ERC1: variants seen among roughly 807,000 people sequenced by gnomAD.
ERC1 encodes ELKS/RAB6-interacting/CAST family member 1, also known as RAB6 interacting protein 2.
ERC1 carries 56 observed loss-of-function variants against 132.0 expected under a neutral mutation model. The ratio of observed to expected loss-of-function variants is 0.42; its 90% CI spans 0.34 to 0.53. The LOEUF is 0.53. Ranked by LOEUF, ERC1 falls within the 20% of genes least tolerant of loss-of-function variation. The pLI, the probability that ERC1 is intolerant of heterozygous loss-of-function variation, is 0.03. For missense variants in ERC1, 1,202 were observed against 1,349.9 expected (o/e 0.89, Z 1.72); for synonymous variants, 478 against 476.1 (o/e 1.00, Z -0.05).
At chr12:1,000,290 G>A (rs1459269547) in intron 1 of ERC1, among the ~76,000 whole-genome samples, 1 of 152,074 alleles carries the variant, frequency 6.6e-6, no homozygotes, top group African/African-American at 2.4e-5. Flanking sequence ...TTCAAGACCA[G>A]CCTGAGCAAC....
At chr12:1,408,840 T>C (rs1442440933) in intron 17 of ERC1, among the ~76,000 whole-genome samples, 1 of 152,222 alleles carries the variant, frequency 6.6e-6, no homozygotes, top group African/African-American at 2.4e-5. Flanking sequence ...CATATTCCAT[T>C]CTAGTTTCTT....
intron 15 of ERC1, among the ~76,000 whole-genome samples, chr12:1,344,301 TCG>T (rs1595127519): frequency 1.3e-5 from 2 of 152,222 alleles, no homozygotes; most frequent in East Asian, 3.8e-4. Context: ...TGGCTTTTCT[TCG>T]CTAATCATGA....
In ERC1 at chr12:1,084,599, T is replaced by C. The variant is rs192834701; in HGVS notation, c.1086+1019T>C. On this transcript the variant is annotated intron_variant, in intron 3 of 18. Coordinates refer to ENST00000360905, the MANE Select transcript of ERC1 (RefSeq NM_178040.4). ...CATTGTAGTAAAATTGGGAAATAGATTAACAAAAACTTATAACTCAAAGTA... is the reference window on the plus strand; with the variant it reads ...CATTGTAGTAAAATTGGGAAATAGACTAACAAAAACTTATAACTCAAAGTA... Among the ~76,000 whole-genome samples, 398 of 152,282 alleles carry C rather than the reference T, an allele frequency of 2.6e-3. 1 individual carries two copies. Among genetic ancestry groups the C allele is most frequent in the African/African-American group, 9.3e-3 (385 of 41,568 alleles).
Position 1,400,490 on chromosome 12 carries a change from C to T in ERC1, c.2926-7659C>T, listed in dbSNP as rs1484951661. ...TTTGGGTATATTATCCAAGAAATCA[C>T]TGCCTAACCCAGGCCTCAAAGATTT... On this transcript the variant is annotated intron_variant, in intron 16 of 18. Coordinates refer to ENST00000360905, the MANE Select transcript of ERC1 (RefSeq NM_178040.4). Among the ~76,000 whole-genome samples, 5 of 152,238 alleles carry T rather than the reference C, an allele frequency of 3.3e-5. No homozygotes were observed. In the East Asian group the frequency reaches 7.7e-4, roughly 23 times the overall value.
intron 3 of ERC1, among the ~76,000 whole-genome samples, 196 bp from the exon 4 acceptor site, chr12:1,104,554 C>T (rs1268276953): frequency 1.3e-5 from 2 of 152,180 alleles, no homozygotes; most frequent in Non-Finnish European, 2.9e-5. Flanking sequence ...AGGGATCCTC[C>T]TATGCCTGCA....
intron 17 of ERC1, among the ~76,000 whole-genome samples, chr12:1,441,207 C>A (rs558230119): frequency 6.6e-6 from 1 of 151,562 alleles, no homozygotes; most frequent in African/African-American, 2.4e-5. Flanking sequence ...TACAGGCATG[C>A]GCCACCATGC....
At chr12:1,059,864 C>T (rs1042423761) in intron 2 of ERC1, among the ~76,000 whole-genome samples, 1 of 152,178 alleles carries the variant, frequency 6.6e-6, no homozygotes, top group Non-Finnish European at 1.5e-5. Context: ...GAGTAAGTTA[C>T]AAAGAATTAC....
rs2094346558 is a variant in ERC1 at position 1,494,912 on chromosome 12, G to A, written c.*4682G>A. 1 of 230,834 alleles carries A rather than the reference G, an allele frequency of 4.3e-6. No homozygotes were observed. Among genetic ancestry groups the A allele is most frequent in the African/African-American group, 2.2e-5 (1 of 45,182 alleles). The allele number at this position is 230,834 out of a possible 1,614,324, so 14.3% of individuals were successfully genotyped here. On this transcript the variant is annotated 3_prime_UTR_variant, in exon 19 of 19. Transcript: ENST00000360905. ...CCCCTCCTCCCAGGCTGGCATAGGT[G>A]GCCCTGGGCTGGCGGCTTAGGAAGC...
chr12:1,463,117 T>C (rs909019903), intron 18 of ERC1, among the ~76,000 whole-genome samples: 1 of 152,142 alleles, frequency 6.6e-6, no homozygotes, highest in Non-Finnish European at 1.5e-5. Flanking sequence ...AGACTTATCC[T>C]CTCCTTGGAT....
At chr12:1,249,182 T>C (rs1176517453) in intron 13 of ERC1, among the ~76,000 whole-genome samples, 1 of 152,192 alleles carries the variant, frequency 6.6e-6, no homozygotes, top group Non-Finnish European at 1.5e-5. Flanking sequence ...ACATTACTTA[T>C]TATAACTTTT....
intron 13 of ERC1, among the ~76,000 whole-genome samples, chr12:1,248,688 C>A (rs1363283523): frequency 6.6e-6 from 1 of 152,070 alleles, no homozygotes; most frequent in African/African-American, 2.4e-5. Flanking sequence ...CTGTTTTTTG[C>A]AATATCTGGA....
chr12:1,435,826 A>G (rs1209444267), intron 17 of ERC1, among the ~76,000 whole-genome samples: 1 of 152,208 alleles, frequency 6.6e-6, no homozygotes, highest in African/African-American at 2.4e-5. Context: ...TCCAATGGAA[A>G]GGTGCCCATT....
intron 1 of ERC1, among the ~76,000 whole-genome samples, chr12:1,025,937 C>T (rs561839299): frequency 2.6e-5 from 4 of 151,936 alleles, no homozygotes; most frequent in African/African-American, 9.7e-5. Flanking sequence ...GCTGGGATTA[C>T]AGGCACCTGC....
In ERC1 at chr12:1,455,921, C is replaced by T. The variant is rs556886305; in HGVS notation, c.3213+11171C>T. 1.9e-4 allele frequency among the ~76,000 whole-genome samples: 29 copies of T among 152,212 alleles called. 1 individual carries two copies. The East Asian group carries it at 5.4e-3, about 28-fold the overall frequency. ...AATTCCTTAGTTTCGAAAGATGCGA[C>T]GGAGTGGGAAAGTTCGATATCCACA... On this transcript the variant is annotated intron_variant, in intron 18 of 18. Transcript: ENST00000360905.
intron 2 of ERC1, among the ~76,000 whole-genome samples, chr12:1,072,180 G>A (rs1237976828): frequency 6.6e-6 from 1 of 152,026 alleles, no homozygotes; most frequent in African/African-American, 2.4e-5. Context: ...CATTTGAATT[G>A]CAAATATAAC....
chr12:1,264,588 T>C (rs1036838996), intron 14 of ERC1, among the ~76,000 whole-genome samples: 9 of 151,666 alleles, frequency 5.9e-5, no homozygotes, highest in South Asian at 4.2e-4. Flanking sequence ...GGCGTGAACC[T>C]GGGAGGCGGA....
chr12:1,099,579 TAC>T (rs1292653401), intron 3 of ERC1, among the ~76,000 whole-genome samples: 1 of 152,200 alleles, frequency 6.6e-6, no homozygotes, highest in Non-Finnish European at 1.5e-5. Flanking sequence ...ATATGAATTA[TAC>T]AGTTACTTAA....
chr12:1,181,842 T>C, intron 9 of ERC1, 83 bp from the exon 10 acceptor site: 1 of 1,400,874 alleles, frequency 7.1e-7, no homozygotes, highest in Non-Finnish European at 9.6e-7. Context: ...AATATAGAAG[T>C]TTGAAATTCT....
At chr12:1,456,265 A>G (rs917590362) in intron 18 of ERC1, among the ~76,000 whole-genome samples, 3 of 152,364 alleles carry the variant, frequency 2.0e-5, no homozygotes, top group Non-Finnish European at 4.4e-5. Flanking sequence ...GGCCAAAGTC[A>G]GATAGTCTGA....
Sources: gnomAD v4.1 joint callset for allele counts (sites outside exome capture counted in the v4.1 genomes callset) on GRCh38, gnomAD v4.1.1 for gene constraint, MANE v1.5 for transcripts, NCBI Gene and HGNC (gene_info 2026-07-23, HGNC 2026-07-21) for gene names.